Variants in PHF20 observed in about 807,000 individuals in gnomAD.
PHF20 encodes the protein PHD finger protein 20, also known as glioma-expressed antigen 2.
A neutral mutation model predicts 113.5 loss-of-function variants in PHF20; 23 were observed. That is an observed-to-expected ratio of 0.20 (90% CI 0.15 to 0.29). The LOEUF (loss-of-function observed/expected upper bound fraction) is 0.29. PHF20 is among the 10% of genes least tolerant of loss of function. The pLI is 1.00. For synonymous variants in PHF20, 434 were observed against 457.3 expected (o/e 0.95, Z 0.65); for missense variants, 943 against 1,219.6 (o/e 0.77, Z 3.38).
intron 2 of PHF20, among the ~76,000 whole-genome samples, chr20:35,821,662 A>G (rs1055324392): frequency 8.5e-5 from 13 of 152,106 alleles, no homozygotes; most frequent in Non-Finnish European, 1.8e-4. Context: ...CTGTCTCAAA[A>G]AAATAAAGTT....
At chr20:35,917,371 A>C (rs2055423830) in intron 12 of PHF20, 113 bp from the exon 13 acceptor site, 1 of 936,016 alleles carries the variant, frequency 1.1e-6, no homozygotes, top group Non-Finnish European at 1.7e-6. Flanking sequence ...TTGCCCTATG[A>C]ATGTTCTTGT....
intron 9 of PHF20, among the ~76,000 whole-genome samples, chr20:35,894,470 T>A (rs543755870): frequency 1.6e-4 from 24 of 152,332 alleles, no homozygotes; most frequent in African/African-American, 5.8e-4. Flanking sequence ...GACCTGGGAT[T>A]AAATGTTGTG....
At chr20:35,856,085 C>T (rs551195503) in intron 4 of PHF20, among the ~76,000 whole-genome samples, 45 of 152,212 alleles carry the variant, frequency 3.0e-4, no homozygotes, top group African/African-American at 1.1e-3. Flanking sequence ...CCTTAACCAT[C>T]GACACGTTCC....
At chr20:35,789,666 C>T (rs566749327) in intron 1 of PHF20, among the ~76,000 whole-genome samples, 143 of 151,890 alleles carry the variant, frequency 9.4e-4, no homozygotes, top group African/African-American at 3.3e-3. Flanking sequence ...CCTGCCTTAG[C>T]CTCCTGAGTA....
At chr20:35,930,055 G>A (rs1346148368) in intron 14 of PHF20, among the ~76,000 whole-genome samples, 1 of 152,134 alleles carries the variant, frequency 6.6e-6, no homozygotes, top group Non-Finnish European at 1.5e-5. Context: ...AGTCACATGT[G>A]CTTTTGTTTT....
At chr20:35,793,301 CTTT>C (rs755495559) in intron 1 of PHF20, among the ~76,000 whole-genome samples, 8 of 139,856 alleles carry the variant, frequency 5.7e-5, no homozygotes, top group Admixed American at 1.4e-4. Context: ...CTTTCTTTTT[CTTT>C]TTTTTTTTTT....
At chr20:35,777,803 G>A (rs2041205532) in intron 1 of PHF20, among the ~76,000 whole-genome samples, 1 of 152,196 alleles carries the variant, frequency 6.6e-6, no homozygotes, top group African/African-American at 2.4e-5. Flanking sequence ...AGACCCCATT[G>A]CTTCCAAGTG....
chr20:35,834,533 G>A (rs1369170576), intron 2 of PHF20, among the ~76,000 whole-genome samples: 2 of 152,072 alleles, frequency 1.3e-5, no homozygotes, highest in Non-Finnish European at 2.9e-5. Context: ...TTACAGGTGT[G>A]AGCCACTGCG....
At chr20:35,795,273 A>T (rs2041644486) in intron 1 of PHF20, among the ~76,000 whole-genome samples, 1 of 151,142 alleles carries the variant, frequency 6.6e-6, no homozygotes, top group African/African-American at 2.4e-5. Flanking sequence ...TCTCACTCTG[A>T]TGCCTGGGCT....
intron 2 of PHF20, among the ~76,000 whole-genome samples, chr20:35,826,741 A>G (rs976231839): frequency 2.0e-5 from 3 of 152,172 alleles, no homozygotes; most frequent in Non-Finnish European, 2.9e-5. Flanking sequence ...TCATTCTGTC[A>G]TAAGATATTT....
In PHF20 at chr20:35,863,382, C is replaced by T; in HGVS notation, c.790C>T (p.Pro264Ser). The T allele has an allele frequency of 6.2e-7, 1 of 1,603,506 alleles. No individual in the cohort carries two copies. The highest frequency in any genetic ancestry group is 8.5e-7 in the Non-Finnish European group (1 of 1,176,822). Residue 264 changes from proline (P) to serine (S), a missense_variant, in exon 6 of 18, where the codon CCT becomes TCT. Around this residue, in one of 3 missense-constraint regions of PHF20, gnomAD observed 592 missense variants for 787.2 expected, o/e 0.75. Coordinates refer to ENST00000374012, the MANE Select transcript of PHF20 (RefSeq NM_016436.5). Reference sequence around the variant, plus strand: ...ACCCAAAAGAAAACGAGGCAGACCCCCTTCCATAGCTCCTACTGGTGAGTT... The same window carrying T: ...ACCCAAAAGAAAACGAGGCAGACCCTCTTCCATAGCTCCTACTGGTGAGTT... ...REPKRKRGRP[P>S]SIAPTAVDSN...
intron 14 of PHF20, among the ~76,000 whole-genome samples, chr20:35,930,891 G>C (rs76076398): frequency 6.6e-6 from 1 of 152,186 alleles, no homozygotes; most frequent in Non-Finnish European, 1.5e-5. Flanking sequence ...GTAAGCCAGA[G>C]TTAGAGAGTT....
chr20:35,819,734 G>A (rs540341147), intron 2 of PHF20, among the ~76,000 whole-genome samples: 2 of 152,044 alleles, frequency 1.3e-5, no homozygotes, highest in Non-Finnish European at 2.9e-5. Context: ...TGTGAGTCAG[G>A]TGGTACACTA....
At position 35,947,590 on chromosome 20, in the gene PHF20, G is replaced by A. The variant is rs758483395; in HGVS notation, c.3002G>A (p.Gly1001Asp). ...ATCAAGCAGCTGCTGATGGACCTGG[G>A]CAAGGTGCAGCAGATCGCCCTCTGC... ...HCIKQLLMDL[G>D]KVQQIALCCS... Residue 1001 changes from glycine (G) to aspartate (D), a missense_variant, in exon 18 of 18, where the codon GGC becomes GAC. Physicochemically the swap from Gly to Asp is moderately conservative, Grantham distance 94. Transcript: ENST00000374012. The A allele has an allele frequency of 6.2e-7, 1 of 1,614,074 alleles. No individual in the cohort carries two copies. The highest frequency in any genetic ancestry group is 1.1e-5 in the South Asian group (1 of 91,078).
In PHF20 at chr20:35,947,779, A is replaced by T. The variant is rs1473328359; in HGVS notation, c.*152A>T. ...CAGGAGTGTGGTGGACATTGGACAA[A>T]GAGGCCATTTTGGCTGCGGGAGGAC... On this transcript the variant is annotated 3_prime_UTR_variant, in exon 18 of 18. Transcript: ENST00000374012. 2.5e-6 allele frequency: 2 copies of T among 785,246 alleles called. No homozygotes were observed. Among genetic ancestry groups the T allele is most frequent in the Non-Finnish European group, 3.9e-6 (2 of 507,034 alleles). 48.6% of individuals were successfully genotyped at this position (785,246 alleles called of 1,614,324 possible).
intron 9 of PHF20, among the ~76,000 whole-genome samples, chr20:35,879,259 C>A (rs2054584137): frequency 6.6e-6 from 1 of 151,956 alleles, no homozygotes; most frequent in African/African-American, 2.4e-5. Flanking sequence ...TGTATTTAAA[C>A]CAAATCTGGA....
At chr20:35,772,825 C>G (rs545590762) in intron 1 of PHF20, among the ~76,000 whole-genome samples, 2 of 152,296 alleles carry the variant, frequency 1.3e-5, no homozygotes, top group African/African-American at 4.8e-5. Context: ...GGGATACTTT[C>G]TTGTATCCCC....
intron 1 of PHF20, among the ~76,000 whole-genome samples, chr20:35,799,813 G>A (rs969089819): frequency 5.3e-5 from 8 of 152,134 alleles, no homozygotes; most frequent in Non-Finnish European, 1.0e-4. Context: ...GATTACAGGC[G>A]CCTGCCGCCG....
At chr20:35,891,247 G>A (rs1232210584) in intron 9 of PHF20, among the ~76,000 whole-genome samples, 1 of 151,940 alleles carries the variant, frequency 6.6e-6, no homozygotes, top group African/African-American at 2.4e-5. Flanking sequence ...CGTGATGGCA[G>A]GCGCCTGTAA....
Sources: allele counts gnomAD v4.1 joint callset (sites outside exome capture counted in the v4.1 genomes callset), GRCh38; gene constraint gnomAD v4.1.1; regional missense constraint gnomAD v4.1.1; transcripts MANE v1.5; gene names NCBI Gene and HGNC (gene_info 2026-07-23, HGNC 2026-07-21).